Variants in AEBP2 observed in about 807,000 individuals in gnomAD.
AEBP2 encodes AE binding protein 2.
Under a neutral mutation model 50.8 loss-of-function variants are expected in AEBP2, and 10 were observed. That is an observed-to-expected ratio of 0.20 (90% CI 0.12 to 0.33). AEBP2 has a LOEUF of 0.33. Among genes scored for constraint, AEBP2 ranks in the 10% least tolerant of loss-of-function variants. The pLI is 1.00. For synonymous variants in AEBP2, 296 were observed against 261.3 expected, an observed-to-expected ratio of 1.13 and a Z score of -1.28; for missense variants, 570 against 688.0, an observed-to-expected ratio of 0.83 and a Z score of 1.92.
intron 1 of AEBP2, among the ~76,000 whole-genome samples, chr12:19,441,064 C>G (rs893637034): frequency 6.6e-6 from 1 of 152,030 alleles, no homozygotes; most frequent in African/African-American, 2.4e-5. Flanking sequence ...GATAACTTTG[C>G]GGAATCAGAG....
chr12:19,412,721 A>G (rs1462426727), intron 1 of AEBP2, among the ~76,000 whole-genome samples: 2 of 152,180 alleles, frequency 1.3e-5, no homozygotes, highest in African/African-American at 2.4e-5. Context: ...GGACAGAGAA[A>G]TATGTTATGG....
At position 19,412,580 on chromosome 12, in the gene AEBP2, C is replaced by T. The variant is rs754617291; in HGVS notation, c.-17+8364C>T. On this transcript the variant is annotated intron_variant, in intron 1 of 3. Coordinates refer to the AEBP2 transcript ENST00000538425. Reference sequence around the variant, plus strand: ...GGTGTGAGCCACTGCACCCGGCCTCCGAAGGTTATTATTATTATTATTATT... The same window carrying T: ...GGTGTGAGCCACTGCACCCGGCCTCTGAAGGTTATTATTATTATTATTATT... 2.8e-4 allele frequency among the ~76,000 whole-genome samples: 42 copies of T among 151,002 alleles called. No homozygotes were observed. The Middle Eastern group carries it at 0.01, about 37-fold the overall frequency.
chr12:19,514,983 A>G (rs1462675019), intron 7 of AEBP2, among the ~76,000 whole-genome samples, 199 bp downstream of exon 7: 9 of 152,140 alleles, frequency 5.9e-5, no homozygotes, highest in Admixed American at 5.2e-4. Flanking sequence ...TATTTTGCTA[A>G]TAAAGTTTAT....
intron 1 of AEBP2, among the ~76,000 whole-genome samples, chr12:19,412,196 C>G (rs1456366751): frequency 6.6e-6 from 1 of 152,216 alleles, no homozygotes; most frequent in African/African-American, 2.4e-5. Flanking sequence ...TCTTAAGATT[C>G]AAAATTGAAG....
chr12:19,506,743 T>C (rs1282109526), intron 5 of AEBP2, among the ~76,000 whole-genome samples: 3 of 152,182 alleles, frequency 2.0e-5, no homozygotes, highest in African/African-American at 7.2e-5. Context: ...CTTTTCAGTA[T>C]TTCAAGTGAG....
chr12:19,510,413 T>A (rs903487052), intron 5 of AEBP2, among the ~76,000 whole-genome samples: 1 of 152,168 alleles, frequency 6.6e-6, no homozygotes, highest in African/African-American at 2.4e-5. Context: ...TATAATTGTG[T>A]ATGCGCATGG....
Position 19,477,409 on chromosome 12 carries a change from C to T in AEBP2, c.987+4054C>T, listed in dbSNP as rs1363541926. 2.0e-5 allele frequency among the ~76,000 whole-genome samples: 3 copies of T among 152,260 alleles called. No individual in the cohort carries two copies. In the East Asian group the frequency reaches 5.8e-4, roughly 29 times the overall value. ...GTCACGGGGAATGCTTTCAACTTTT[C>T]CCCGTTCAGTAGAATATGGGCTGTG... On this transcript the variant is annotated intron_variant, in intron 3 of 7. Coordinates refer to ENST00000266508, the MANE Select transcript of AEBP2 (RefSeq NM_153207.5).
intron 3 of AEBP2, among the ~76,000 whole-genome samples, chr12:19,480,220 C>T (rs1948707021): frequency 6.6e-6 from 1 of 152,126 alleles, no homozygotes. Flanking sequence ...CTGCCTGCCT[C>T]ACCCTCCCAA....
chr12:19,436,627 C>G (rs1192556473), upstream of AEBP2, among the ~76,000 whole-genome samples: 1 of 149,822 alleles, frequency 6.7e-6, no homozygotes, highest in Non-Finnish European at 1.5e-5. Context: ...ACTCTATTGC[C>G]CAAACTGGAG....
chr12:19,485,568 G>A (rs1352252095), intron 3 of AEBP2, among the ~76,000 whole-genome samples: 1 of 151,946 alleles, frequency 6.6e-6, no homozygotes. Context: ...AATTAGCCGG[G>A]CGTGTTGGCA....
rs958691380 is a variant in AEBP2, at chr12:19,463,908, C to T, written c.879+1191C>T. ...CTCGAACTCCTGAACTCAGTTGATC[C>T]GCCCACCTCGGCCTCCCAGAGTGCT... is the stretch of plus-strand genomic sequence containing the variant. On this transcript the variant is annotated intron_variant, in intron 2 of 7. Coordinates refer to ENST00000266508, the MANE Select transcript of AEBP2 (RefSeq NM_153207.5). 6.6e-5 allele frequency among the ~76,000 whole-genome samples: 10 copies of T among 152,166 alleles called. 1 individual carries two copies. The highest frequency in any genetic ancestry group is 4.6e-4 in the Admixed American group (7 of 15,284).
intron 2 of AEBP2, among the ~76,000 whole-genome samples, chr12:19,471,468 A>G (rs1180108244): frequency 6.6e-6 from 1 of 152,014 alleles, no homozygotes; most frequent in Non-Finnish European, 1.5e-5. Context: ...CCCATGTGTG[A>G]TTATTAAACA....
At chr12:19,440,395 T>C (rs1470429461) in intron 1 of AEBP2, 25 bp downstream of exon 1, 1 of 1,465,570 alleles carries the variant, frequency 6.8e-7, no homozygotes, top group Non-Finnish European at 9.0e-7. Flanking sequence ...GCGTTTCCCC[T>C]TCCCTTCCTC....
At chr12:19,418,554 T>A (rs918133950) in intron 1 of AEBP2, among the ~76,000 whole-genome samples, 1 of 152,102 alleles carries the variant, frequency 6.6e-6, no homozygotes, top group African/African-American at 2.4e-5. Context: ...ATTTAACTCT[T>A]TCAACTAACT....
intron 1 of AEBP2, chr12:19,457,501 C>G: frequency 6.7e-7 from 1 of 1,496,190 alleles, no homozygotes; most frequent in Non-Finnish European, 8.9e-7. Context: ...GAGCCCTTTC[C>G]CATCTCAGCA....
chr12:19,497,811 A>C (rs1199984290), intron 4 of AEBP2, among the ~76,000 whole-genome samples: 32 of 152,216 alleles, frequency 2.1e-4, no homozygotes, highest in Non-Finnish European at 2.6e-4. Flanking sequence ...TTAGTTAAAA[A>C]AATACTGAGC....
At chr12:19,455,626 C>G (rs1013747626) in intron 1 of AEBP2, among the ~76,000 whole-genome samples, 3 of 152,164 alleles carry the variant, frequency 2.0e-5, no homozygotes, top group African/African-American at 7.2e-5. Context: ...TGGGGCTGTT[C>G]TGGATGTATG....
At chr12:19,444,191 C>T (rs551637125) in intron 1 of AEBP2, among the ~76,000 whole-genome samples, 7 of 152,210 alleles carry the variant, frequency 4.6e-5, no homozygotes, top group Admixed American at 3.3e-4. Flanking sequence ...ATTTTATTTT[C>T]ATTCTTCCAA....
At chr12:19,450,667 C>A (rs1256142335) in intron 1 of AEBP2, among the ~76,000 whole-genome samples, 47 of 119,638 alleles carry the variant, frequency 3.9e-4, no homozygotes, top group Admixed American at 4.5e-4. Context: ...CCATCTCTAC[C>A]AAAAAAAAAA....
Sources: gnomAD v4.1 joint callset for allele counts (sites outside exome capture counted in the v4.1 genomes callset) on GRCh38, gnomAD v4.1.1 for gene constraint, MANE v1.5 for transcripts, NCBI Gene and HGNC (gene_info 2026-07-23, HGNC 2026-07-21) for gene names.